Variants in CCSER1 observed in about 807,000 individuals in gnomAD.
The protein encoded by CCSER1 is serine-rich coiled-coil domain-containing protein 1.
In CCSER1, 41 loss-of-function variants were observed where a neutral mutation model predicts 82.0. The observed-to-expected ratio is 0.50, with a 90% confidence interval of 0.39 to 0.65. The LOEUF is 0.65. CCSER1 is among the 30% of genes least tolerant of loss of function. CCSER1 has a pLI of 0.00. For synonymous variants in CCSER1, 414 were observed against 383.9 expected, an observed-to-expected ratio of 1.08 and a Z score of -0.92; for missense variants, 1,119 against 1,064.2, an observed-to-expected ratio of 1.05 and a Z score of -0.72.
chr4:90,684,209 G>A (rs538664015), intron 6 of CCSER1, among the ~76,000 whole-genome samples: 1 of 152,110 alleles, frequency 6.6e-6, no homozygotes, highest in South Asian at 2.1e-4. Context: ...ATACTAATTT[G>A]CTTCAAAAAA....
chr4:91,588,264 C>T (rs1252005770), intron 10 of CCSER1, among the ~76,000 whole-genome samples: 2 of 151,276 alleles, frequency 1.3e-5, no homozygotes, highest in East Asian at 1.9e-4. Flanking sequence ...AAAAAAATAG[C>T]CTTAGATTTT....
intron 6 of CCSER1, among the ~76,000 whole-genome samples, chr4:90,694,319 A>G (rs950776271): frequency 6.6e-6 from 1 of 152,000 alleles, no homozygotes; most frequent in African/African-American, 2.4e-5. Flanking sequence ...TTCAAGTTTT[A>G]GTGATTAATT....
intron 1 of CCSER1, among the ~76,000 whole-genome samples, chr4:90,269,810 T>A (rs1725920922): frequency 6.7e-6 from 1 of 149,362 alleles, no homozygotes; most frequent in African/African-American, 2.5e-5. Flanking sequence ...GAAGAGGAAA[T>A]CCAAATAAAA....
chr4:90,402,798 C>T (rs143960508), intron 4 of CCSER1, among the ~76,000 whole-genome samples: 27 of 152,152 alleles, frequency 1.8e-4, no homozygotes, highest in Middle Eastern at 3.4e-3. Flanking sequence ...CTCTCCTTTA[C>T]GAAGTAATAA....
intron 10 of CCSER1, among the ~76,000 whole-genome samples, chr4:91,278,365 A>G (rs1200027276): frequency 1.3e-5 from 2 of 152,072 alleles, no homozygotes; most frequent in African/African-American, 4.8e-5. Context: ...GTGCTCCTCT[A>G]TCAGGTGCAT....
chr4:90,212,462 A>G (rs1488675850), intron 1 of CCSER1, among the ~76,000 whole-genome samples: 2 of 152,148 alleles, frequency 1.3e-5, no homozygotes, highest in Admixed American at 6.6e-5. Context: ...TTTATGTTGT[A>G]TCACTTAAAA....
chr4:91,599,310 G>T lies in CCSER1; in HGVS notation c.*253G>T. ...TACTATATAGGTGTATAATAAATGG[G>T]ACCATCATGATCGTTTATATAGTCC... On this transcript the variant is annotated 3_prime_UTR_variant, in exon 11 of 11. Coordinates refer to ENST00000509176, the MANE Select transcript of CCSER1 (RefSeq NM_001145065.2). 2.7e-6 allele frequency: 1 copy of T among 364,182 alleles called. No homozygotes were observed. Among genetic ancestry groups the T allele is most frequent in the Non-Finnish European group, 4.9e-6 (1 of 202,182 alleles). 22.6% of individuals were successfully genotyped at this position (364,182 alleles called of 1,614,324 possible).
intron 4 of CCSER1, among the ~76,000 whole-genome samples, chr4:90,452,456 C>A (rs542029590): frequency 6.6e-6 from 1 of 152,316 alleles, no homozygotes; most frequent in African/African-American, 2.4e-5. Context: ...AAGTTATTCC[C>A]CATGGTTAAC....
At chr4:90,955,102 T>C (rs565109564) in intron 9 of CCSER1, among the ~76,000 whole-genome samples, 1 of 152,336 alleles carries the variant, frequency 6.6e-6, no homozygotes, top group South Asian at 2.1e-4. Context: ...AACGTGTTCG[T>C]GTTCTATGTA....
At chr4:90,750,146 T>C (rs1194251015) in intron 7 of CCSER1, among the ~76,000 whole-genome samples, 1 of 151,868 alleles carries the variant, frequency 6.6e-6, no homozygotes, top group African/African-American at 2.4e-5. Context: ...GTTGTTTGTT[T>C]TTTTCTTGTA....
At chr4:90,632,525 A>G (rs17017326) in intron 6 of CCSER1, among the ~76,000 whole-genome samples, 4,180 of 152,186 alleles carry the variant, frequency 0.027, 179 homozygotes, top group African/African-American at 0.096. Context: ...ATACACCTGC[A>G]AAAGTGAATC....
At chr4:90,713,989 A>T (rs1184634132) in intron 6 of CCSER1, among the ~76,000 whole-genome samples, 1 of 151,854 alleles carries the variant, frequency 6.6e-6, no homozygotes, top group East Asian at 1.9e-4. Flanking sequence ...GCTCCATCAG[A>T]CATTTCTCTC....
chr4:91,229,492 T>C (rs1738454300), intron 10 of CCSER1, among the ~76,000 whole-genome samples: 2 of 152,070 alleles, frequency 1.3e-5, no homozygotes, highest in African/African-American at 2.4e-5. Flanking sequence ...TTGCAAAGTT[T>C]AAAAAATTTG....
chr4:91,549,491 A>G (rs1301592377), intron 10 of CCSER1, among the ~76,000 whole-genome samples: 2 of 151,764 alleles, frequency 1.3e-5, no homozygotes, highest in Admixed American at 6.6e-5. Flanking sequence ...TCATAATGCA[A>G]TTGTAAACTG....
chr4:90,916,455 C>A (rs7694574), intron 8 of CCSER1, among the ~76,000 whole-genome samples: 70,802 of 151,648 alleles, frequency 0.47, 18,181 homozygotes, highest in African/African-American at 0.7. Flanking sequence ...AAAACTGGCT[C>A]GCCATATGGA....
chr4:90,815,867 C>T (rs3796673), intron 8 of CCSER1, 22 bp downstream of exon 8: 378,644 of 1,512,338 alleles, frequency 0.25, 50,023 homozygotes, highest in South Asian at 0.29. Flanking sequence ...CAATGCTTGG[C>T]CCACGAGTGT....
At chr4:90,305,960 A>C (rs1314549095) in intron 1 of CCSER1, among the ~76,000 whole-genome samples, 1 of 152,222 alleles carries the variant, frequency 6.6e-6, no homozygotes, top group Non-Finnish European at 1.5e-5. Context: ...GGATTAAGAA[A>C]ATGTGGTTTA....
chr4:90,271,843 TATATATATATATATA>T (rs1560918872), intron 1 of CCSER1, among the ~76,000 whole-genome samples: 4 of 22,998 alleles, frequency 1.7e-4, no homozygotes, highest in Middle Eastern at 0.011. Flanking sequence ...TATATATATA[TATATATATATATATA>T]TATATTTTTT....
chr4:91,451,966 C>G (rs904358578), intron 10 of CCSER1, among the ~76,000 whole-genome samples: 1 of 151,956 alleles, frequency 6.6e-6, no homozygotes, highest in African/African-American at 2.4e-5. Flanking sequence ...CCAACAATAT[C>G]TTAGTTGTGT....
Sources: allele counts gnomAD v4.1 joint callset (sites outside exome capture counted in the v4.1 genomes callset), GRCh38; gene constraint gnomAD v4.1.1; transcripts MANE v1.5; gene names NCBI Gene and HGNC (gene_info 2026-07-23, HGNC 2026-07-21).